The following SLC35F3 variants were observed in gnomAD, a reference collection of about 807,000 sequenced individuals.
The protein encoded by SLC35F3 is solute carrier family 35 member F3.
In SLC35F3, 25 loss-of-function variants were observed where a neutral mutation model predicts 49.9. That is an observed-to-expected ratio of 0.50 (90% CI 0.37 to 0.70). SLC35F3 has a LOEUF of 0.70. Ranked by LOEUF, SLC35F3 falls within the 30% of genes least tolerant of loss-of-function variation. The probability of loss-of-function intolerance (pLI) is 0.00; values close to 1 mark genes in which losing one functional copy is unlikely to be tolerated. For missense variants in SLC35F3, 525 were observed against 639.8 expected, an observed-to-expected ratio of 0.82 and a Z score of 1.94; for synonymous variants, 275 against 265.4, an observed-to-expected ratio of 1.04 and a Z score of -0.35.
At chr1:234,282,748 ACTC>A (rs1051267529) in intron 3 of SLC35F3, among the ~76,000 whole-genome samples, 5 of 151,190 alleles carry the variant, frequency 3.3e-5, no homozygotes, top group Non-Finnish European at 5.9e-5. Flanking sequence ...CCAAATCCGA[ACTC>A]CTCCTCTCTG....
At chr1:234,147,200 G>A (rs1358695503) in intron 2 of SLC35F3, among the ~76,000 whole-genome samples, 3 of 149,940 alleles carry the variant, frequency 2.0e-5, no homozygotes, top group Non-Finnish European at 4.4e-5. Context: ...TTTAATTCTG[G>A]GAAATTACAT....
At chr1:234,010,435 A>T (rs1167090233) in intron 2 of SLC35F3, among the ~76,000 whole-genome samples, 2 of 152,242 alleles carry the variant, frequency 1.3e-5, no homozygotes, top group East Asian at 3.8e-4. Context: ...AATGAAGCAA[A>T]GTATCTACAA....
At chr1:234,021,138 C>A (rs1005392522) in intron 2 of SLC35F3, among the ~76,000 whole-genome samples, 1 of 152,106 alleles carries the variant, frequency 6.6e-6, no homozygotes. Flanking sequence ...TCTTTGATGC[C>A]AAGACAGAGC....
At chr1:234,055,620 C>T (rs955518951) in intron 2 of SLC35F3, among the ~76,000 whole-genome samples, 1 of 152,192 alleles carries the variant, frequency 6.6e-6, no homozygotes, top group African/African-American at 2.4e-5. Flanking sequence ...GAGGTGATGC[C>T]CTGCCCTACT....
intron 2 of SLC35F3, among the ~76,000 whole-genome samples, chr1:234,132,131 A>G (rs967555614): frequency 5.3e-5 from 8 of 152,228 alleles, no homozygotes; most frequent in South Asian, 2.1e-4. Flanking sequence ...TGGAAGTCAG[A>G]TAAGATGGCT....
chr1:234,084,385 CAT>C (rs1229100778), intron 2 of SLC35F3, among the ~76,000 whole-genome samples: 1 of 152,114 alleles, frequency 6.6e-6, no homozygotes, highest in African/African-American at 2.4e-5. Context: ...AAATATGAGA[CAT>C]AAAATCCTCA....
At position 234,316,560 on chromosome 1, in the gene SLC35F3, C is replaced by T. The variant is rs138332708; in HGVS notation, c.829-42C>T. Reference sequence around the variant, plus strand: ...GGCGCTTGCATACTCCCTCTGACTCCGTCCCGACTTCCCTGACCAGCATTT... The same window carrying T: ...GGCGCTTGCATACTCCCTCTGACTCTGTCCCGACTTCCCTGACCAGCATTT... On this transcript the variant is annotated intron_variant, in intron 4 of 7. Transcript: ENST00000366618. The T allele has an allele frequency of 5.4e-4, 845 of 1,578,972 alleles. 10 individuals are homozygous for T. The African/African-American group carries it at 9.1e-3, about 17-fold the overall frequency.
At chr1:234,106,616 C>A (rs1665288047) in intron 2 of SLC35F3, among the ~76,000 whole-genome samples, 1 of 152,212 alleles carries the variant, frequency 6.6e-6, no homozygotes, top group South Asian at 2.1e-4. Flanking sequence ...AGGGCCCCAT[C>A]TCAGTGACCT....
chr1:234,274,536 G>A (rs138593482), intron 3 of SLC35F3: 158 of 152,358 alleles, frequency 1.0e-3, no homozygotes, highest in African/African-American at 3.5e-3. Context: ...TGGGATCCCT[G>A]GATAGTAACT....
rs56960667 is a variant in SLC35F3, at chr1:234,058,328, A to ATTTTTTTTTTTTTT, written c.283+152587_283+152600dup. Among the ~76,000 whole-genome samples the ATTTTTTTTTTTTTT allele has an allele frequency of 4.0e-4, 16 of 39,796 alleles. 4 individuals are homozygous for ATTTTTTTTTTTTTT. The highest frequency in any genetic ancestry group is 1.4e-3 in the African/African-American group (10 of 7,286). 26.1% of individuals were successfully genotyped at this position (39,796 alleles called of 152,430 possible). A position where few individuals can be genotyped will look rare whatever the true frequency, so the allele number is the denominator to read the frequency against. ...TAATTGTCTTTATAAATGTTCCTGA[A>ATTTTTTTTTTTTTT]TTTTTTTTTTTTTTTTTTTTTTTTT... On this transcript the variant is annotated intron_variant, in intron 2 of 7. Transcript: ENST00000366618.
intron 2 of SLC35F3, among the ~76,000 whole-genome samples, chr1:233,954,297 CT>C (rs1191555137): frequency 1.3e-5 from 2 of 152,176 alleles, no homozygotes; most frequent in East Asian, 3.9e-4. Context: ...TGAGCCACTG[CT>C]CCCGGCCTAG....
chr1:234,268,234 C>T (rs1645461053), intron 3 of SLC35F3, among the ~76,000 whole-genome samples: 1 of 152,224 alleles, frequency 6.6e-6, no homozygotes, highest in African/African-American at 2.4e-5. Flanking sequence ...TGGCGGATCA[C>T]TCGCGATTAG....
At chr1:234,045,040 T>A (rs2358208) in intron 2 of SLC35F3, among the ~76,000 whole-genome samples, 6 of 152,204 alleles carry the variant, frequency 3.9e-5, no homozygotes, top group Admixed American at 3.9e-4. Context: ...CTCCCTGTGC[T>A]TCAAGGTTGC....
At chr1:234,030,607 CCTAA>C (rs1664047928) in intron 2 of SLC35F3, among the ~76,000 whole-genome samples, 2 of 152,136 alleles carry the variant, frequency 1.3e-5, no homozygotes, top group African/African-American at 2.4e-5. Context: ...GGATTAAATA[CCTAA>C]CTTAGAGGGC....
chr1:234,192,471 T>C (rs1411311853), intron 2 of SLC35F3, among the ~76,000 whole-genome samples: 2 of 152,206 alleles, frequency 1.3e-5, no homozygotes, highest in Non-Finnish European at 2.9e-5. Context: ...AAACTGTCTA[T>C]GACAAATCCA....
At chr1:233,909,887 A>G (rs1661846592) in intron 2 of SLC35F3, among the ~76,000 whole-genome samples, 1 of 152,190 alleles carries the variant, frequency 6.6e-6, no homozygotes, top group African/African-American at 2.4e-5. Flanking sequence ...TTGCCCAGTA[A>G]TGCTAAACAA....
At chr1:234,201,784 T>C (rs111836732) in intron 2 of SLC35F3, among the ~76,000 whole-genome samples, 5 of 152,008 alleles carry the variant, frequency 3.3e-5, no homozygotes, top group African/African-American at 1.2e-4. Flanking sequence ...TTGCGTGTGG[T>C]TTTTTCCATC....
At chr1:234,154,617 G>A (rs1276204279) in intron 2 of SLC35F3, among the ~76,000 whole-genome samples, 1 of 152,084 alleles carries the variant, frequency 6.6e-6, no homozygotes, top group East Asian at 1.9e-4. Flanking sequence ...TTTGATGTCT[G>A]GCATTCTCCT....
At chr1:233,956,521 GTTCT>G (rs1385500073) in intron 2 of SLC35F3, among the ~76,000 whole-genome samples, 9 of 152,140 alleles carry the variant, frequency 5.9e-5, no homozygotes, top group Non-Finnish European at 1.3e-4. Flanking sequence ...CCTCTCCCTG[GTTCT>G]TTCTTCTTCC....
Sources: gnomAD v4.1 joint callset for allele counts (sites outside exome capture counted in the v4.1 genomes callset) on GRCh38, gnomAD v4.1.1 for gene constraint, MANE v1.5 for transcripts, NCBI Gene and HGNC (gene_info 2026-07-23, HGNC 2026-07-21) for gene names.